The following PPP1R7 variants were observed in gnomAD, a reference collection of about 807,000 sequenced individuals.
The protein encoded by PPP1R7 is protein phosphatase 1 regulatory subunit 7.
PPP1R7 carries 18 observed loss-of-function variants against 45.2 expected under a neutral mutation model. That is an observed-to-expected ratio of 0.40 (90% confidence interval 0.28 to 0.59). The LOEUF is 0.59. Ranked by LOEUF, PPP1R7 falls within the 20% of genes least tolerant of loss-of-function variation. The pLI, the probability that PPP1R7 is intolerant of heterozygous loss-of-function variation, is 0.46. For synonymous variants in PPP1R7, 181 were observed against 183.4 expected (o/e 0.99, Z 0.11); for missense variants, 314 against 455.8 (o/e 0.69, Z 2.83).
intron 2 of PPP1R7, among the ~76,000 whole-genome samples, chr2:241,154,841 G>T (rs942744698): frequency 5.9e-5 from 9 of 152,220 alleles, no homozygotes; most frequent in African/African-American, 2.2e-4. Flanking sequence ...TTCTAGATTT[G>T]TATACAGTGT....
Position 241,159,646 on chromosome 2 carries a change from G to A in PPP1R7, c.434+303G>A, listed in dbSNP as rs566572221. Reference sequence around the variant, plus strand: ...TCCATTCAGGGATGATACTGAGATCGGTAGAGAGGAAAGTTAATCCAGAAT... The same window carrying A: ...TCCATTCAGGGATGATACTGAGATCAGTAGAGAGGAAAGTTAATCCAGAAT... On this transcript the variant is annotated intron_variant, in intron 5 of 9. Transcript: ENST00000234038. Among the ~76,000 whole-genome samples the A allele has an allele frequency of 7.2e-5, 11 of 152,284 alleles. 1 individual carries two copies. Among genetic ancestry groups the A allele is most frequent in the South Asian group, 4.2e-4 (2 of 4,818 alleles).
rs376796761 is a variant in PPP1R7 at position 241,169,730 on chromosome 2, A to G, written c.820-51A>G. 9.7e-5 allele frequency: 144 copies of G among 1,487,690 alleles called. No homozygotes were observed. In the Admixed American group the frequency reaches 1.1e-3, roughly 11 times the overall value. 92.2% of individuals were successfully genotyped at this position (1,487,690 alleles called of 1,614,324 possible). On this transcript the variant is annotated intron_variant, in intron 8 of 9. Transcript: ENST00000234038. ...TGACACTGCCTGCGTGGTCATGCAA[A>G]TCACTGTTGATCAGAGGTAATCCAG...
At chr2:241,150,606 T>C in intron 1 of PPP1R7, 59 bp downstream of exon 1, 1 of 1,537,854 alleles carries the variant, frequency 6.5e-7, no homozygotes, top group South Asian at 1.2e-5. Flanking sequence ...AGCTGCGGGC[T>C]GGAACTGCTC....
At chr2:241,167,203 A>T in intron 8 of PPP1R7, 1 of 872,966 alleles carries the variant, frequency 1.1e-6, no homozygotes, top group Non-Finnish European at 1.7e-6. Context: ...GTTTTGTTAA[A>T]TTGCCAGCAA....
intron 6 of PPP1R7, among the ~76,000 whole-genome samples, chr2:241,162,532 T>G (rs1247131543): frequency 6.6e-6 from 1 of 151,996 alleles, no homozygotes; most frequent in Non-Finnish European, 1.5e-5. Flanking sequence ...GCAAGAGTGA[T>G]GTAGGAGGGT....
intron 2 of PPP1R7, chr2:241,154,926 C>G (rs994733853): frequency 1.2e-4 from 19 of 152,172 alleles, no homozygotes; most frequent in African/African-American, 4.3e-4. Flanking sequence ...ACATTGTGCT[C>G]TCTGTGCCAG....
At chr2:241,181,891 G>T (rs768519386) in intron 9 of PPP1R7, among the ~76,000 whole-genome samples, 1 of 152,140 alleles carries the variant, frequency 6.6e-6, no homozygotes, top group South Asian at 2.1e-4. Flanking sequence ...TACACACAGG[G>T]TGTTTGAAAG....
Position 241,168,619 on chromosome 2 carries a change from G to A in PPP1R7, c.820-1162G>A, listed in dbSNP as rs182907336. The stretch of plus-strand genomic sequence containing the variant: ...ATACTCTGTGAGCAGACCTGACCAG[G>A]GCACCGAGATGGGGTGGTTTGAAGG... On this transcript the variant is annotated intron_variant, in intron 8 of 9. Transcript: ENST00000234038. Among the ~76,000 whole-genome samples the A allele has an allele frequency of 1.7e-3, 265 of 152,306 alleles. 2 individuals are homozygous for A. Among genetic ancestry groups the A allele is most frequent in the African/African-American group, 6.0e-3 (251 of 41,574 alleles).
chr2:241,150,575 A>G (rs1575373115), intron 1 of PPP1R7, 28 bp downstream of exon 1: 1 of 1,578,686 alleles, frequency 6.3e-7, no homozygotes, highest in Non-Finnish European at 8.6e-7. Context: ...GCGGCGGCCC[A>G]AGGGCCCAGC....
At chr2:241,157,250 GT>G (rs2067481829) in intron 2 of PPP1R7, among the ~76,000 whole-genome samples, 1 of 152,196 alleles carries the variant, frequency 6.6e-6, no homozygotes. Context: ...ACTATGTTTT[GT>G]TTTGTTTTGC....
chr2:241,158,373 A>G, intron 3 of PPP1R7, 111 bp from the exon 4 acceptor site: 1 of 964,758 alleles, frequency 1.0e-6, no homozygotes, highest in Non-Finnish European at 1.7e-6. Context: ...CTGCAGACCC[A>G]CCTGGCACTG....
intron 7 of PPP1R7, among the ~76,000 whole-genome samples, chr2:241,165,222 C>G (rs2067679223): frequency 6.6e-6 from 1 of 151,982 alleles, no homozygotes; most frequent in African/African-American, 2.4e-5. Flanking sequence ...GGCTGGAGCA[C>G]AGGGGTGCAA....
chr2:241,150,611 C>A, intron 1 of PPP1R7, 64 bp downstream of exon 1: 1 of 1,496,164 alleles, frequency 6.7e-7, no homozygotes, highest in Non-Finnish European at 8.9e-7. Context: ...CGGGCTGGAA[C>A]TGCTCCGTGC....
chr2:241,150,333 A>T (rs1220219382), upstream of PPP1R7: 2 of 1,310,560 alleles, frequency 1.5e-6, no homozygotes, highest in African/African-American at 1.6e-5. Context: ...GCGCGGCCTC[A>T]TGACGGAACT....
intron 3 of PPP1R7, 130 bp downstream of exon 3, chr2:241,157,992 G>A (rs574928307): frequency 1.2e-4 from 106 of 888,532 alleles, no homozygotes; most frequent in Non-Finnish European, 1.5e-4. Context: ...TCAGAGTCCC[G>A]TGTTCATGTT....
intron 9 of PPP1R7, among the ~76,000 whole-genome samples, chr2:241,173,793 T>C (rs1476978341): frequency 1.3e-5 from 2 of 152,244 alleles, no homozygotes; most frequent in African/African-American, 2.4e-5. Flanking sequence ...ATAATTTCTG[T>C]TGTTAAATCT....
At chr2:241,153,373 A>G (rs529324312) in intron 1 of PPP1R7, 103 bp from the exon 2 acceptor site, 7 of 1,478,604 alleles carry the variant, frequency 4.7e-6, no homozygotes, top group East Asian at 2.3e-5. Flanking sequence ...TTCAACAAAC[A>G]TGTTTAAATG....
rs963438750 is a variant in PPP1R7 at position 241,172,585 on chromosome 2, A to G, written c.906+2718A>G. ...CTTGAACCTGGCAAGTGGAGATTGC[A>G]GTGGGCCAAGATCGTGCCACTGCAC... On this transcript the variant is annotated intron_variant, in intron 9 of 9. Coordinates refer to ENST00000234038, the MANE Select transcript of PPP1R7 (RefSeq NM_002712.3). Among the ~76,000 whole-genome samples, 14 of 151,902 alleles carry G rather than the reference A, an allele frequency of 9.2e-5. 1 individual carries two copies. In the South Asian group the frequency reaches 2.9e-3, roughly 31 times the overall value.
At chr2:241,153,718 C>A in intron 2 of PPP1R7, 114 bp downstream of exon 2, 1 of 1,390,780 alleles carries the variant, frequency 7.2e-7, no homozygotes, top group Non-Finnish European at 9.7e-7. Flanking sequence ...GACTGCCGTG[C>A]TCCTTAGGGG....
Sources: gnomAD v4.1 joint callset for allele counts (sites outside exome capture counted in the v4.1 genomes callset) on GRCh38, gnomAD v4.1.1 for gene constraint, MANE v1.5 for transcripts, NCBI Gene and HGNC (gene_info 2026-07-23, HGNC 2026-07-21) for gene names.